The following GRIN3A variants were observed in gnomAD, a reference collection of about 807,000 sequenced individuals.
GRIN3A encodes the protein glutamate ionotropic receptor NMDA type subunit 3A, also known as glutamate receptor ionotropic, NMDA 3A.
GRIN3A carries 47 observed loss-of-function variants against 92.4 expected under a neutral mutation model. The observed-to-expected ratio is 0.51, with a 90% CI of 0.40 to 0.65. GRIN3A has a LOEUF of 0.65. Ranked by LOEUF, GRIN3A falls within the 30% of genes least tolerant of loss-of-function variation. The pLI, the probability that GRIN3A is intolerant of heterozygous loss-of-function variation, is 0.00. For missense variants in GRIN3A, 1,324 were observed against 1,393.1 expected, an observed-to-expected ratio of 0.95 and a Z score of 0.79; for synonymous variants, 527 against 540.6, an observed-to-expected ratio of 0.97 and a Z score of 0.35.
chr9:101,665,391 ATGGGGAAG>A (rs1829225145), intron 3 of GRIN3A, among the ~76,000 whole-genome samples: 9 of 152,026 alleles, frequency 5.9e-5, no homozygotes, highest in Admixed American at 5.9e-4. Flanking sequence ...AAGAGCATTA[ATGGGGAAG>A]CACAGCAGGC....
chr9:101,722,486 C>A (rs1830025120), intron 1 of GRIN3A, among the ~76,000 whole-genome samples: 1 of 152,200 alleles, frequency 6.6e-6, no homozygotes, highest in Non-Finnish European at 1.5e-5. Context: ...GGCAGATCCA[C>A]CAACAGCTTT....
intron 1 of GRIN3A, among the ~76,000 whole-genome samples, chr9:101,701,169 A>G (rs1239682760): frequency 6.6e-6 from 1 of 152,150 alleles, no homozygotes; most frequent in Non-Finnish European, 1.5e-5. Context: ...AATCTAAGTG[A>G]GGTGGGCCCA....
At chr9:101,699,766 G>A (rs1347480131) in intron 1 of GRIN3A, among the ~76,000 whole-genome samples, 7 of 152,080 alleles carry the variant, frequency 4.6e-5, no homozygotes, top group Non-Finnish European at 1.0e-4. Flanking sequence ...CAACAGTGGT[G>A]TTTCTTGTCC....
chr9:101,734,902 A>G (rs986368712), intron 1 of GRIN3A, among the ~76,000 whole-genome samples: 2 of 151,962 alleles, frequency 1.3e-5, no homozygotes, highest in African/African-American at 4.8e-5. Context: ...GACTCCGAGG[A>G]TGGTGGCTAG....
chr9:101,599,248 T>C (rs1273784247), intron 6 of GRIN3A, among the ~76,000 whole-genome samples: 11 of 152,182 alleles, frequency 7.2e-5, no homozygotes, highest in Non-Finnish European at 1.6e-4. Context: ...GGTGAAATCT[T>C]GTCACAGGAA....
chr9:101,625,812 C>T (rs1302686570), intron 4 of GRIN3A, among the ~76,000 whole-genome samples: 1 of 152,166 alleles, frequency 6.6e-6, no homozygotes, highest in African/African-American at 2.4e-5. Context: ...CCATAATGTA[C>T]CTTGACAGCT....
intron 6 of GRIN3A, among the ~76,000 whole-genome samples, chr9:101,590,891 G>C (rs1296384034): frequency 1.3e-5 from 2 of 152,044 alleles, no homozygotes; most frequent in Non-Finnish European, 2.9e-5. Flanking sequence ...TTAGGAATTT[G>C]TAATTAACAA....
rs1830242701 is a variant in GRIN3A at position 101,738,088 on chromosome 9, CTCG to C, written c.-112_-110del. The C allele has an allele frequency of 3.3e-6, 3 of 919,098 alleles. No homozygotes were observed. The highest frequency in any genetic ancestry group is 1.6e-5 in the African/African-American group (1 of 61,456). The allele number at this position is 919,098 out of a possible 1,614,324, so 56.9% of individuals were successfully genotyped here. ...AGGTCCCGCGCGCAGCTTCACTCCA[CTCG>C]GTGAAGCGGTCCCAGGAGCTGGAGC... On this transcript the variant is annotated 5_prime_UTR_variant, in exon 1 of 9. Transcript: ENST00000361820.
chr9:101,580,829 C>G lies in GRIN3A; in HGVS notation c.2767-1469G>C, dbSNP rs142980166. Among the ~76,000 whole-genome samples the G allele has an allele frequency of 6.1e-3, 926 of 152,300 alleles. 12 individuals carry two copies. The highest frequency in any genetic ancestry group is 0.021 in the African/African-American group (870 of 41,556). ...GTCCATTTCTGTTCAGCTCCAAAGC[C>G]TGGGCTCTTTCTGCTCTACTGCTAT... is the stretch of plus-strand genomic sequence containing the variant. On this transcript the variant is annotated intron_variant, in intron 6 of 8. Transcript: ENST00000361820.
At chr9:101,727,915 A>C (rs1830098346) in intron 1 of GRIN3A, among the ~76,000 whole-genome samples, 1 of 150,894 alleles carries the variant, frequency 6.6e-6, no homozygotes, top group South Asian at 2.1e-4. Flanking sequence ...TTCAGGTCAC[A>C]TTGAAGCATT....
Position 101,652,951 on chromosome 9 carries a change from G to C in GRIN3A, c.2352+17109C>G, listed in dbSNP as rs138155855. Among the ~76,000 whole-genome samples, 419 of 151,900 alleles carry C rather than the reference G, an allele frequency of 2.8e-3. 1 individual carries two copies. Among genetic ancestry groups the C allele is most frequent in the Non-Finnish European group, 4.0e-3 (273 of 67,898 alleles). ...TTGTGATTTTTTTTAGGGGGGCTGG[G>C]AAAGAGGAAGAATTTTCGTTTGAGC... On this transcript the variant is annotated intron_variant, in intron 3 of 8. Coordinates refer to ENST00000361820, the MANE Select transcript of GRIN3A (RefSeq NM_133445.3).
chr9:101,594,202 C>T lies in GRIN3A; in HGVS notation c.2767-14842G>A, dbSNP rs117277485. The stretch of plus-strand genomic sequence containing the variant: ...TTCCCCACTATGCTCATTTGACTTG[C>T]TCTTCCCCCTATAGGGTACCCTGAG... On this transcript the variant is annotated intron_variant, in intron 6 of 8. Transcript: ENST00000361820. 490 of 558,986 alleles carry T rather than the reference C, an allele frequency of 8.8e-4. 2 individuals are homozygous for T. The East Asian group carries it at 0.012, about 14-fold the overall frequency. 34.6% of individuals were successfully genotyped at this position (558,986 alleles called of 1,614,324 possible).
chr9:101,683,222 G>T (rs190552210), intron 2 of GRIN3A, among the ~76,000 whole-genome samples: 102 of 152,234 alleles, frequency 6.7e-4, no homozygotes, highest in African/African-American at 2.4e-3. Context: ...TGTTTTTGGT[G>T]ATTTCATTAA....
intron 3 of GRIN3A, among the ~76,000 whole-genome samples, chr9:101,657,958 C>A (rs1190348142): frequency 6.6e-6 from 1 of 151,954 alleles, no homozygotes; most frequent in Non-Finnish European, 1.5e-5. Context: ...ACAGCCTTAG[C>A]AGCAGTCTCT....
intron 3 of GRIN3A, among the ~76,000 whole-genome samples, chr9:101,662,997 G>A (rs1262100076): frequency 1.3e-5 from 2 of 151,794 alleles, no homozygotes; most frequent in Admixed American, 1.3e-4. Flanking sequence ...TATCTAGAAT[G>A]TCTAGTGATC....
At chr9:101,736,964 T>G (rs1564155773) in intron 1 of GRIN3A, among the ~76,000 whole-genome samples, 1 of 152,170 alleles carries the variant, frequency 6.6e-6, no homozygotes, top group Non-Finnish European at 1.5e-5. Context: ...CCTCGACTTC[T>G]ACTTCCCGTC....
chr9:101,706,244 A>AT (rs1457985524), intron 1 of GRIN3A, among the ~76,000 whole-genome samples: 12 of 152,248 alleles, frequency 7.9e-5, no homozygotes, highest in African/African-American at 2.4e-4. Flanking sequence ...CTCATTGACA[A>AT]TTTGGTAGTT....
At chr9:101,693,409 C>T (rs542625312) in intron 1 of GRIN3A, among the ~76,000 whole-genome samples, 1 of 151,448 alleles carries the variant, frequency 6.6e-6, no homozygotes, top group Non-Finnish European at 1.5e-5. Context: ...CAGAGTGAGA[C>T]TCTGTCTAAA....
chr9:101,593,320 G>C (rs1828059043), intron 6 of GRIN3A: 1 of 152,204 alleles, frequency 6.6e-6, no homozygotes, highest in Non-Finnish European at 1.5e-5. Flanking sequence ...TGTTCCACTA[G>C]GGAAAAGGCT....
Sources: allele counts gnomAD v4.1 joint callset (sites outside exome capture counted in the v4.1 genomes callset), GRCh38; gene constraint gnomAD v4.1.1; transcripts MANE v1.5; gene names NCBI Gene and HGNC (gene_info 2026-07-23, HGNC 2026-07-21).